MAGI2: variants seen among roughly 807,000 people sequenced by gnomAD.
The protein encoded by MAGI2 is membrane-associated guanylate kinase, WW and PDZ domain-containing protein 2.
Under a neutral mutation model 133.3 loss-of-function variants are expected in MAGI2, and 35 were observed. That is an observed-to-expected ratio of 0.26 (90% CI 0.20 to 0.35). The LOEUF (loss-of-function observed/expected upper bound fraction) is 0.35. Ranked by LOEUF, MAGI2 falls within the 10% of genes least tolerant of loss-of-function variation. MAGI2 has a pLI of 1.00. For synonymous variants in MAGI2, 729 were observed against 710.6 expected (o/e 1.03, Z -0.41); for missense variants, 1,636 against 1,863.4 (o/e 0.88, Z 2.25).
intron 2 of MAGI2, among the ~76,000 whole-genome samples, chr7:78,880,911 GC>G (rs1032962692): frequency 1.3e-5 from 2 of 152,216 alleles, no homozygotes; most frequent in Non-Finnish European, 2.9e-5. Flanking sequence ...GATAAAAAGA[GC>G]AGAGGTCACT....
intron 2 of MAGI2, among the ~76,000 whole-genome samples, chr7:78,788,653 T>A (rs1043815590): frequency 1.3e-5 from 2 of 152,110 alleles, no homozygotes; most frequent in South Asian, 2.1e-4. Context: ...CCAGTTTAGA[T>A]TTCTGTAGTT....
At chr7:78,620,304 C>A (rs956339420) in intron 3 of MAGI2, among the ~76,000 whole-genome samples, 1 of 151,850 alleles carries the variant, frequency 6.6e-6, no homozygotes, top group Admixed American at 6.6e-5. Context: ...ATTGCAGATT[C>A]AAAATCTGAG....
intron 1 of MAGI2, among the ~76,000 whole-genome samples, chr7:79,018,476 G>T (rs1043068940): frequency 1.3e-5 from 2 of 152,112 alleles, no homozygotes; most frequent in African/African-American, 2.4e-5. Flanking sequence ...ACACTATAAA[G>T]CAACCACACA....
intron 9 of MAGI2, among the ~76,000 whole-genome samples, chr7:78,286,669 A>G (rs1796174515): frequency 6.6e-6 from 1 of 152,028 alleles, no homozygotes; most frequent in Non-Finnish European, 1.5e-5. Context: ...TGTCTGGGGA[A>G]GGTACTGGAA....
intron 2 of MAGI2, among the ~76,000 whole-genome samples, chr7:78,978,088 A>G (rs1199058011): frequency 6.6e-6 from 1 of 151,806 alleles, no homozygotes; most frequent in Non-Finnish European, 1.5e-5. Context: ...AAAAAATAAT[A>G]CGGCCACTTT....
chr7:78,875,002 T>G (rs183187251), intron 2 of MAGI2, among the ~76,000 whole-genome samples: 6 of 152,168 alleles, frequency 3.9e-5, no homozygotes, highest in African/African-American at 1.4e-4. Flanking sequence ...CTATAATGGA[T>G]AGTGGCTGAG....
chr7:78,586,098 A>C (rs577395181), intron 3 of MAGI2, among the ~76,000 whole-genome samples: 3 of 152,336 alleles, frequency 2.0e-5, no homozygotes, highest in Admixed American at 2.0e-4. Context: ...GTCTTTCTCA[A>C]CCTGTTACCT....
intron 12 of MAGI2, among the ~76,000 whole-genome samples, chr7:78,192,864 C>T (rs372590059): frequency 3.3e-5 from 5 of 152,144 alleles, no homozygotes; most frequent in East Asian, 3.9e-4. Flanking sequence ...AGCAGCGGCA[C>T]AGGGAGAGCA....
intron 1 of MAGI2, among the ~76,000 whole-genome samples, chr7:79,215,267 A>T (rs975695602): frequency 6.6e-6 from 1 of 152,068 alleles, no homozygotes; most frequent in East Asian, 1.9e-4. Context: ...CCTTGAAAGA[A>T]ATCGAAGTAT....
intron 1 of MAGI2, among the ~76,000 whole-genome samples, chr7:79,361,837 T>C (rs761488209): frequency 1.8e-4 from 27 of 151,530 alleles, no homozygotes; most frequent in Non-Finnish European, 2.7e-4. Flanking sequence ...CTCTAAATAA[T>C]CCATGGATCA....
chr7:78,698,356 G>C (rs1379125127), intron 2 of MAGI2, among the ~76,000 whole-genome samples: 3 of 152,062 alleles, frequency 2.0e-5, no homozygotes, highest in African/African-American at 4.8e-5. Context: ...GCCCTCAAGG[G>C]ACAGGTTACA....
chr7:78,376,120 C>G (rs564475839), intron 6 of MAGI2, among the ~76,000 whole-genome samples: 3 of 152,100 alleles, frequency 2.0e-5, no homozygotes, highest in Admixed American at 2.0e-4. Flanking sequence ...ACAGGTAAAG[C>G]TGGGGGTGTA....
chr7:78,271,756 T>C lies in MAGI2; in HGVS notation c.1409-15175A>G, dbSNP rs146251671. 1.1e-3 allele frequency among the ~76,000 whole-genome samples: 161 copies of C among 152,332 alleles called. 1 individual carries two copies. Among genetic ancestry groups the C allele is most frequent in the African/African-American group, 3.8e-3 (159 of 41,568 alleles). On this transcript the variant is annotated intron_variant, in intron 9 of 21. Coordinates refer to ENST00000354212, the MANE Select transcript of MAGI2 (RefSeq NM_012301.4). ...TTTATTTGTGTAGAGGTGTTTATAC[T>C]ATTCTGATGGTAGTTTGTATTTCTG...
chr7:78,280,559 C>T (rs1297162750), intron 9 of MAGI2, among the ~76,000 whole-genome samples: 3 of 152,114 alleles, frequency 2.0e-5, no homozygotes, highest in African/African-American at 4.8e-5. Flanking sequence ...TGTGTCAGCA[C>T]ATAGAATCTT....
intron 3 of MAGI2, among the ~76,000 whole-genome samples, chr7:78,568,880 GTC>G (rs1448222440): frequency 6.6e-6 from 1 of 152,152 alleles, no homozygotes; most frequent in Non-Finnish European, 1.5e-5. Flanking sequence ...TGGGTTCTGA[GTC>G]TCTCTTTTAT....
At chr7:79,209,448 A>G (rs1218837583) in intron 1 of MAGI2, among the ~76,000 whole-genome samples, 2 of 152,096 alleles carry the variant, frequency 1.3e-5, no homozygotes, top group Non-Finnish European at 2.9e-5. Flanking sequence ...TTCAAAATAT[A>G]AACTTATTTT....
chr7:78,599,717 T>C (rs777309480), intron 3 of MAGI2, among the ~76,000 whole-genome samples: 139 of 152,226 alleles, frequency 9.1e-4, no homozygotes, highest in Non-Finnish European at 1.5e-3. Flanking sequence ...ACTTCAATTA[T>C]TTCCTGCACT....
chr7:78,299,962 A>T (rs1403361033), intron 9 of MAGI2, among the ~76,000 whole-genome samples: 1 of 152,200 alleles, frequency 6.6e-6, no homozygotes, highest in African/African-American at 2.4e-5. Flanking sequence ...TTTCTTTTTC[A>T]TCATGGAATT....
intron 6 of MAGI2, among the ~76,000 whole-genome samples, chr7:78,475,155 T>G (rs1791613951): frequency 6.6e-6 from 1 of 151,990 alleles, no homozygotes; most frequent in African/African-American, 2.4e-5. Context: ...CTGAATCTTG[T>G]GTGTATGCTT....
Sources: allele counts gnomAD v4.1 joint callset (sites outside exome capture counted in the v4.1 genomes callset), GRCh38; gene constraint gnomAD v4.1.1; transcripts MANE v1.5; gene names NCBI Gene and HGNC (gene_info 2026-07-23, HGNC 2026-07-21).